TTLL5: variants seen among roughly 807,000 people sequenced by gnomAD.
The protein encoded by TTLL5 is tubulin polyglutamylase TTLL5.
In TTLL5, 132 loss-of-function variants were observed where a neutral mutation model predicts 168.4. The ratio of observed to expected loss-of-function variants is 0.78; its 90% CI spans 0.68 to 0.91. The LOEUF is 0.91. TTLL5 is among the 40% of genes least tolerant of loss of function. TTLL5 has a pLI of 0.00. For synonymous variants in TTLL5, 546 were observed against 558.6 expected, an observed-to-expected ratio of 0.98 and a Z score of 0.32; for missense variants, 1,545 against 1,581.5, an observed-to-expected ratio of 0.98 and a Z score of 0.39.
chr14:75,668,931 C>T (rs892650801), intron 2 of TTLL5, among the ~76,000 whole-genome samples: 1 of 152,222 alleles, frequency 6.6e-6, no homozygotes, highest in Non-Finnish European at 1.5e-5. Context: ...TTTATCTCTT[C>T]AGTCAACCTC....
At position 75,835,213 on chromosome 14, in the gene TTLL5, C is replaced by T. The variant is rs1430177160; in HGVS notation, c.3326+15052C>T. 5.3e-5 allele frequency among the ~76,000 whole-genome samples: 8 copies of T among 152,236 alleles called. No homozygotes were observed. The East Asian group carries it at 1.5e-3, about 29-fold the overall frequency. On this transcript the variant is annotated intron_variant, in intron 28 of 31. Transcript: ENST00000298832. Reference sequence around the variant, plus strand: ...TGCAACACACTTCCACATACAAGAACTTTGATCAACACAGTTGAAGGGATC... The same window carrying T: ...TGCAACACACTTCCACATACAAGAATTTTGATCAACACAGTTGAAGGGATC...
chr14:75,919,763 A>G (rs2033758775), intron 31 of TTLL5, among the ~76,000 whole-genome samples: 1 of 152,172 alleles, frequency 6.6e-6, no homozygotes, highest in Non-Finnish European at 1.5e-5. Flanking sequence ...GCAACAACAA[A>G]ATTAGACAAG....
intron 7 of TTLL5, among the ~76,000 whole-genome samples, chr14:75,702,395 G>A (rs1886332460): frequency 1.3e-5 from 2 of 152,228 alleles, no homozygotes; most frequent in South Asian, 4.1e-4. Flanking sequence ...ACTAGTTTGG[G>A]TTTAGGTTTT....
At chr14:75,774,081 C>G (rs1891567306) in intron 21 of TTLL5, among the ~76,000 whole-genome samples, 1 of 151,352 alleles carries the variant, frequency 6.6e-6, no homozygotes, top group African/African-American at 2.4e-5. Flanking sequence ...GAGTTGGCCT[C>G]TGTGTTCCAG....
At chr14:75,703,840 G>A (rs777833740) in intron 7 of TTLL5, among the ~76,000 whole-genome samples, 6 of 152,114 alleles carry the variant, frequency 3.9e-5, no homozygotes, top group Non-Finnish European at 8.8e-5. Context: ...AGTGCCTACT[G>A]TGTTGTCACT....
At chr14:75,904,009 A>C (rs537287805) in intron 31 of TTLL5, 6 of 893,502 alleles carry the variant, frequency 6.7e-6, no homozygotes, top group East Asian at 9.7e-5. Context: ...GGAAGGCGCT[A>C]TAACTACTGT....
intron 21 of TTLL5, among the ~76,000 whole-genome samples, chr14:75,773,854 C>T (rs1465075347): frequency 7.2e-6 from 1 of 139,018 alleles, no homozygotes; most frequent in Non-Finnish European, 1.5e-5. Flanking sequence ...CACACCACTG[C>T]ACTTCAGGCT....
At chr14:75,946,586 T>G (rs1255748124) in intron 31 of TTLL5, among the ~76,000 whole-genome samples, 2 of 152,214 alleles carry the variant, frequency 1.3e-5, no homozygotes, top group Admixed American at 1.3e-4. Context: ...GCAACAAATA[T>G]GGACCAAGCA....
At chr14:75,751,550 C>T (rs901044077) in intron 17 of TTLL5, among the ~76,000 whole-genome samples, 8 of 152,156 alleles carry the variant, frequency 5.3e-5, no homozygotes, top group Non-Finnish European at 8.8e-5. Flanking sequence ...CATGAGATTT[C>T]ATCACGCTCC....
intron 13 of TTLL5, 56 bp downstream of exon 13, chr14:75,732,475 C>CTTTT: frequency 1.8e-6 from 2 of 1,132,204 alleles, no homozygotes; most frequent in African/African-American, 1.6e-5. Flanking sequence ...ACTTAAAGCA[C>CTTTT]TTTTTTTTTT....
intron 31 of TTLL5, among the ~76,000 whole-genome samples, chr14:75,947,803 G>T (rs2034822670): frequency 6.6e-6 from 1 of 151,962 alleles, no homozygotes; most frequent in African/African-American, 2.4e-5. Context: ...AATTAGCTGG[G>T]CGTGGTGTGT....
intron 17 of TTLL5, among the ~76,000 whole-genome samples, chr14:75,748,730 TAA>T (rs1331878008): frequency 6.6e-6 from 1 of 152,252 alleles, no homozygotes; most frequent in Non-Finnish European, 1.5e-5. Flanking sequence ...CAGCAATGCA[TAA>T]GAGAGTCTGT....
chr14:75,675,603 G>A (rs1884081641), intron 3 of TTLL5, among the ~76,000 whole-genome samples: 1 of 152,202 alleles, frequency 6.6e-6, no homozygotes, highest in African/African-American at 2.4e-5. Context: ...TAGTAGTCAA[G>A]GAGGACCATG....
intron 31 of TTLL5, among the ~76,000 whole-genome samples, chr14:75,943,381 C>A (rs941066752): frequency 6.6e-6 from 1 of 152,200 alleles, no homozygotes; most frequent in Non-Finnish European, 1.5e-5. Context: ...CCCTCCCTCT[C>A]GTCCACCCTT....
intron 5 of TTLL5, among the ~76,000 whole-genome samples, chr14:75,687,057 A>G (rs948416350): frequency 2.6e-5 from 4 of 152,176 alleles, no homozygotes; most frequent in East Asian, 1.9e-4. Flanking sequence ...TTGTTTACTT[A>G]TATTTGAAAT....
intron 31 of TTLL5, chr14:75,904,114 A>T: frequency 7.9e-7 from 1 of 1,257,956 alleles, no homozygotes; most frequent in Non-Finnish European, 1.0e-6. Flanking sequence ...TGGAAGTATG[A>T]TAGGAGTATA....
chr14:75,834,037 T>G (rs1468543657), intron 28 of TTLL5, among the ~76,000 whole-genome samples: 2 of 152,240 alleles, frequency 1.3e-5, no homozygotes, highest in Admixed American at 6.5e-5. Context: ...AGACCAGTAA[T>G]GATGAACTCA....
At chr14:75,940,710 C>T (rs1466040617) in intron 31 of TTLL5, among the ~76,000 whole-genome samples, 2 of 152,144 alleles carry the variant, frequency 1.3e-5, no homozygotes, top group Non-Finnish European at 2.9e-5. Context: ...AAAAGAAACA[C>T]TTTTCACTGA....
intron 27 of TTLL5, among the ~76,000 whole-genome samples, chr14:75,818,732 C>T (rs1894650476): frequency 6.6e-6 from 1 of 151,170 alleles, no homozygotes; most frequent in African/African-American, 2.4e-5. Flanking sequence ...GTCTCCTAAC[C>T]TCGTGATCCA....
Sources: allele counts gnomAD v4.1 joint callset (sites outside exome capture counted in the v4.1 genomes callset), GRCh38; gene constraint gnomAD v4.1.1; transcripts MANE v1.5; gene names NCBI Gene and HGNC (gene_info 2026-07-23, HGNC 2026-07-21).